STRADB: variants seen among roughly 807,000 people sequenced by gnomAD.
STRADB encodes the protein STE20 related adaptor beta, also known as STE20-related kinase adapter protein beta.
A neutral mutation model predicts 52.1 loss-of-function variants in STRADB; 34 were observed. The observed-to-expected ratio is 0.65, with a 90% CI of 0.50 to 0.87. STRADB has a LOEUF of 0.87. Among genes scored for constraint, STRADB ranks in the 40% least tolerant of loss-of-function variants. The pLI, the probability that STRADB is intolerant of heterozygous loss-of-function variation, is 0.00. For missense variants in STRADB, 340 were observed against 483.9 expected, an observed-to-expected ratio of 0.70 and a Z score of 2.79; for synonymous variants, 133 against 174.5, an observed-to-expected ratio of 0.76 and a Z score of 1.87.
At position 201,480,149 on chromosome 2, in the gene STRADB, G is replaced by A. The variant is rs939073682; in HGVS notation, c.1231G>A (p.Glu411Lys). 1.2e-5 allele frequency: 19 copies of A among 1,613,580 alleles called. No homozygotes were observed. Among genetic ancestry groups the A allele is most frequent in the African/African-American group, 4.0e-5 (3 of 74,908 alleles). Residue 411 changes from glutamate (E) to lysine (K), a missense_variant, in exon 12 of 12, where the codon GAA (glutamate) becomes AAA (lysine). Coordinates refer to ENST00000194530, the MANE Select transcript of STRADB (RefSeq NM_018571.6). ...TGAGCCAGAATGTGATTTTCCTGATGAAAAAGACTCATACTGGGAATTCTA... is the reference window on the plus strand; with the variant it reads ...TGAGCCAGAATGTGATTTTCCTGATAAAAAAGACTCATACTGGGAATTCTA... ...WTEPECDFPD[E>K]KDSYWEF
At chr2:201,455,942 A>T (rs1952120998) in intron 2 of STRADB, among the ~76,000 whole-genome samples, 1 of 152,212 alleles carries the variant, frequency 6.6e-6, no homozygotes, top group Non-Finnish European at 1.5e-5. Flanking sequence ...TGTTAGTAAT[A>T]TGGAAAATAC....
intron 8 of STRADB, 25 bp from the exon 9 acceptor site, chr2:201,478,062 A>T: frequency 1.3e-6 from 2 of 1,570,552 alleles, no homozygotes; most frequent in Non-Finnish European, 1.7e-6. Flanking sequence ...GCACTAAAAG[A>T]CTTCAAATTA....
intron 6 of STRADB, among the ~76,000 whole-genome samples, chr2:201,475,109 A>C (rs1952451464): frequency 6.6e-6 from 1 of 152,084 alleles, no homozygotes; most frequent in East Asian, 1.9e-4. Flanking sequence ...GTTTCACTGC[A>C]TTGTAAACTA....
At position 201,478,433 on chromosome 2, in the gene STRADB, T is replaced by G. The variant is rs1382548781; in HGVS notation, c.902T>G (p.Met301Arg). ...ATTTTCCCTCAATCAGAATCCAGAA[T>G]GAAAAATTCCCAGTCAGGTGTAGAC... ...ISIFPQSESR[M>R]KNSQSGVDSG... Residue 301 changes from methionine to arginine, a missense_variant, in exon 10 of 12, where the codon ATG becomes AGG. Transcript: ENST00000194530. 3 of 1,614,112 alleles carry G rather than the reference T, an allele frequency of 1.9e-6. No homozygotes were observed. Among genetic ancestry groups the G allele is most frequent in the Non-Finnish European group, 2.5e-6 (3 of 1,180,018 alleles).
intron 1 of STRADB, among the ~76,000 whole-genome samples, chr2:201,452,908 G>A (rs1338718553): frequency 2.0e-5 from 3 of 152,206 alleles, no homozygotes; most frequent in Non-Finnish European, 4.4e-5. Context: ...ACAAGTGTAA[G>A]GGACTGCACT....
At chr2:201,470,461 T>G (rs1952372250) in intron 4 of STRADB, among the ~76,000 whole-genome samples, 2 of 152,236 alleles carry the variant, frequency 1.3e-5, no homozygotes, top group Non-Finnish European at 2.9e-5. Context: ...AGTAGAAAGC[T>G]TTTTCAGTTA....
At chr2:201,468,331 A>T (rs1241061314) in intron 3 of STRADB, among the ~76,000 whole-genome samples, 1 of 151,984 alleles carries the variant, frequency 6.6e-6, no homozygotes, top group African/African-American at 2.4e-5. Context: ...TGTGATTACC[A>T]TGTGGCTTTT....
At chr2:201,467,825 TGTCTC>T (rs915682316) in intron 3 of STRADB, among the ~76,000 whole-genome samples, 4 of 152,180 alleles carry the variant, frequency 2.6e-5, no homozygotes, top group African/African-American at 9.7e-5. Context: ...GTGAAACTCT[TGTCTC>T]TTCCAGTCTG....
intron 3 of STRADB, 38 bp downstream of exon 3, chr2:201,458,902 C>T: frequency 6.4e-7 from 1 of 1,565,296 alleles, no homozygotes; most frequent in Admixed American, 1.7e-5. Flanking sequence ...TGGTTCACAC[C>T]TGTAATCCCA....
At chr2:201,462,852 G>A (rs1008665709) in intron 3 of STRADB, among the ~76,000 whole-genome samples, 11 of 152,270 alleles carry the variant, frequency 7.2e-5, no homozygotes, top group African/African-American at 2.6e-4. Context: ...TTTTATCTGT[G>A]TATTTATTAC....
chr2:201,477,845 G>A, intron 8 of STRADB, 55 bp downstream of exon 8: 1 of 1,590,210 alleles, frequency 6.3e-7, no homozygotes. Context: ...TTCTGAGTTT[G>A]GCTAAAGTAC....
At position 201,459,579 on chromosome 2, in the gene STRADB, G is replaced by A. The variant is rs191656718; in HGVS notation, c.93+715G>A. ...GGGGTCTATCCCCTACTTCACATGA[G>A]CACTGCTACTGCTCAGGTCTCATTG... On this transcript the variant is annotated intron_variant, in intron 3 of 11. Transcript: ENST00000194530. Among the ~76,000 whole-genome samples, 145 of 152,222 alleles carry A rather than the reference G, an allele frequency of 9.5e-4. 2 individuals are homozygous for A. In the South Asian group the frequency reaches 0.011, roughly 12 times the overall value.
chr2:201,479,325 T>C (rs1020679843), intron 10 of STRADB, 164 bp from the exon 11 acceptor site: 1 of 610,638 alleles, frequency 1.6e-6, no homozygotes, highest in African/African-American at 1.9e-5. Context: ...TTATTTCCTT[T>C]AGTCAAGGTT....
At chr2:201,476,607 T>C (rs78287440) in intron 7 of STRADB, among the ~76,000 whole-genome samples, 7,428 of 152,166 alleles carry the variant, frequency 0.049, 271 homozygotes, top group Non-Finnish European at 0.068. Context: ...CATTTAGCTT[T>C]ATAACCTTAT....
At chr2:201,475,863 T>C (rs1952463515) in intron 7 of STRADB, 121 bp downstream of exon 7, 4 of 1,121,682 alleles carry the variant, frequency 3.6e-6, no homozygotes, top group East Asian at 5.2e-5. Context: ...TAAGTGAAAA[T>C]TGAGGGAGGA....
intron 10 of STRADB, among the ~76,000 whole-genome samples, chr2:201,478,804 T>C (rs1477994654): frequency 1.2e-4 from 19 of 152,160 alleles, no homozygotes; most frequent in Admixed American, 9.2e-4. Context: ...CTGGGTGCGG[T>C]GGCTCACACC....
chr2:201,464,770 T>C (rs1187037099), intron 3 of STRADB, among the ~76,000 whole-genome samples: 2 of 152,216 alleles, frequency 1.3e-5, no homozygotes, highest in Non-Finnish European at 2.9e-5. Flanking sequence ...CTTTGTGCTC[T>C]ATTCTACTGC....
intron 4 of STRADB, 102 bp downstream of exon 4, chr2:201,470,154 C>A: frequency 1.2e-6 from 1 of 813,912 alleles, no homozygotes; most frequent in Non-Finnish European, 2.1e-6. Context: ...TTACCTCCAG[C>A]ATAAAACTAG....
At chr2:201,463,780 A>G (rs1204099158) in intron 3 of STRADB, among the ~76,000 whole-genome samples, 1 of 151,478 alleles carries the variant, frequency 6.6e-6, no homozygotes, top group African/African-American at 2.4e-5. Flanking sequence ...TCATTCTTTC[A>G]TATTCTTTTT....
Sources: gnomAD v4.1 joint callset for allele counts (sites outside exome capture counted in the v4.1 genomes callset) on GRCh38, gnomAD v4.1.1 for gene constraint, MANE v1.5 for transcripts, NCBI Gene and HGNC (gene_info 2026-07-23, HGNC 2026-07-21) for gene names.